SYNJ1: variants seen among roughly 807,000 people sequenced by gnomAD.
SYNJ1 encodes the protein synaptojanin 1.
In SYNJ1, 78 loss-of-function variants were observed where a neutral mutation model predicts 168.2. The observed-to-expected ratio is 0.46, with a 90% CI of 0.39 to 0.56. SYNJ1 has a LOEUF of 0.56. SYNJ1 is among the 20% of genes least tolerant of loss of function. The pLI is 0.00. For synonymous variants in SYNJ1, 539 were observed against 548.6 expected, an observed-to-expected ratio of 0.98 and a Z score of 0.24; for missense variants, 1,303 against 1,597.6, an observed-to-expected ratio of 0.82 and a Z score of 3.14.
At chr21:32,663,868 C>T (rs1385727749) in intron 18 of SYNJ1, among the ~76,000 whole-genome samples, 1 of 152,176 alleles carries the variant, frequency 6.6e-6, no homozygotes, top group Non-Finnish European at 1.5e-5. Flanking sequence ...TAGATTGGCT[C>T]TCGACTACTT....
At chr21:32,634,336 T>C (rs1481115140) in intron 32 of SYNJ1, among the ~76,000 whole-genome samples, 1 of 152,170 alleles carries the variant, frequency 6.6e-6, no homozygotes, top group Admixed American at 6.5e-5. Context: ...ATTGGTGCTA[T>C]TTTTACAGAG....
chr21:32,665,112 A>G (rs1163773720), intron 17 of SYNJ1, 41 bp from the exon 18 acceptor site: 4 of 1,542,746 alleles, frequency 2.6e-6, no homozygotes, highest in Non-Finnish European at 3.5e-6. Context: ...AAAACAATCA[A>G]TGTTCAAAAA....
intron 2 of SYNJ1, among the ~76,000 whole-genome samples, chr21:32,714,501 G>A (rs1400849472): frequency 6.6e-6 from 1 of 152,148 alleles, no homozygotes; most frequent in Non-Finnish European, 1.5e-5. Flanking sequence ...GCAGTTGCAT[G>A]GAATCTCAAG....
intron 2 of SYNJ1, among the ~76,000 whole-genome samples, chr21:32,704,610 C>CCGGA (rs1651151973): frequency 6.6e-6 from 1 of 152,038 alleles, no homozygotes; most frequent in African/African-American, 2.4e-5. Context: ...AGAGGACTGT[C>CCGGA]CACCCATGGG....
At chr21:32,726,135 T>C (rs897840313) in intron 2 of SYNJ1, among the ~76,000 whole-genome samples, 5 of 152,240 alleles carry the variant, frequency 3.3e-5, no homozygotes, top group Non-Finnish European at 7.3e-5. Context: ...CCCCCACACC[T>C]GGCATATCTT....
At chr21:32,684,156 A>G in intron 9 of SYNJ1, 37 bp from the exon 10 acceptor site, 8 of 1,588,148 alleles carry the variant, frequency 5.0e-6, no homozygotes, top group Non-Finnish European at 6.9e-6. Context: ...GTTTGGAACA[A>G]AAATAAAGCT....
At chr21:32,636,070 A>G (rs1601216682) in intron 31 of SYNJ1, among the ~76,000 whole-genome samples, 1 of 152,350 alleles carries the variant, frequency 6.6e-6, no homozygotes, top group South Asian at 2.1e-4. Flanking sequence ...TCAGAGTTTT[A>G]TGTATCAGCT....
intron 9 of SYNJ1, among the ~76,000 whole-genome samples, chr21:32,685,380 A>G (rs2041792880): frequency 7.2e-6 from 1 of 139,770 alleles, no homozygotes; most frequent in Non-Finnish European, 1.5e-5. Flanking sequence ...TGAGCCCAGG[A>G]GTTTGAGCCC....
chr21:32,719,094 A>C (rs1274560353), intron 2 of SYNJ1, among the ~76,000 whole-genome samples: 2 of 152,238 alleles, frequency 1.3e-5, no homozygotes, highest in African/African-American at 4.8e-5. Context: ...ATAAAAGCAC[A>C]ATCTGAACTG....
chr21:32,661,993 C>CA (rs2040722771), intron 18 of SYNJ1, among the ~76,000 whole-genome samples: 2 of 152,294 alleles, frequency 1.3e-5, no homozygotes, highest in East Asian at 3.9e-4. Context: ...AGGACTGGAA[C>CA]GTAGTCCCTT....
intron 10 of SYNJ1, among the ~76,000 whole-genome samples, chr21:32,681,964 C>G (rs1200168503): frequency 6.6e-6 from 1 of 152,044 alleles, no homozygotes; most frequent in Admixed American, 6.6e-5. Context: ...CAATCAACAG[C>G]CTGCATTAGA....
intron 1 of SYNJ1, among the ~76,000 whole-genome samples, chr21:32,727,125 T>TC (rs1214857074): frequency 4.6e-5 from 7 of 152,182 alleles, no homozygotes; most frequent in African/African-American, 1.4e-4. Context: ...CTATCAATTC[T>TC]CATACCAAGG....
At chr21:32,643,281 AAG>A in intron 27 of SYNJ1, 127 bp downstream of exon 27, 1 of 903,086 alleles carries the variant, frequency 1.1e-6, no homozygotes, top group South Asian at 1.5e-5. Context: ...AAGGAGGGGA[AAG>A]AGAAGTTTAC....
intron 12 of SYNJ1, among the ~76,000 whole-genome samples, chr21:32,677,455 T>C (rs533970119): frequency 6.6e-6 from 1 of 152,310 alleles, no homozygotes; most frequent in Non-Finnish European, 1.5e-5. Context: ...CGCAGGAAAC[T>C]AAAAACACTA....
At chr21:32,653,186 C>A (rs1392362805) in intron 22 of SYNJ1, 102 bp downstream of exon 22, 26 of 894,432 alleles carry the variant, frequency 2.9e-5, no homozygotes, top group Non-Finnish European at 4.4e-5. Flanking sequence ...AAGGTCTTTT[C>A]CCCTCCCATT....
chr21:32,688,256 C>A, intron 7 of SYNJ1, 50 bp downstream of exon 7: 1 of 1,526,206 alleles, frequency 6.6e-7, no homozygotes, highest in Non-Finnish European at 9.0e-7. Context: ...CAAGCAGTCC[C>A]ACTGCTTAGC....
At position 32,727,839 on chromosome 21, in the gene SYNJ1, C is replaced by T. The variant is rs547996418; in HGVS notation, c.-23+107G>A. 1.3e-4 allele frequency: 201 copies of T among 1,495,040 alleles called. No individual in the cohort carries two copies. In the African/African-American group the frequency reaches 2.6e-3, roughly 19 times the overall value. 92.6% of individuals were successfully genotyped at this position (1,495,040 alleles called of 1,614,324 possible). On this transcript the variant is annotated intron_variant, in intron 1 of 32. Transcript: ENST00000674351. ...GGCTGCTCGCGGTCGCCCCTCACCG[C>T]TCCCGCTGACGCTGCGGAGGCAGAG...
At chr21:32,645,132 C>A in intron 25 of SYNJ1, 126 bp from the exon 26 acceptor site, 1 of 834,854 alleles carries the variant, frequency 1.2e-6, no homozygotes, top group Non-Finnish European at 1.8e-6. Flanking sequence ...TATCTACGTA[C>A]TACAAAAACT....
At chr21:32,710,128 A>T (rs974823020) in intron 2 of SYNJ1, among the ~76,000 whole-genome samples, 1 of 152,054 alleles carries the variant, frequency 6.6e-6, no homozygotes, top group Non-Finnish European at 1.5e-5. Context: ...CGAACCCAGG[A>T]GGTTGAGGTT....
Sources: allele counts gnomAD v4.1 joint callset (sites outside exome capture counted in the v4.1 genomes callset), GRCh38; gene constraint gnomAD v4.1.1; transcripts MANE v1.5; gene names NCBI Gene and HGNC (gene_info 2026-07-23, HGNC 2026-07-21).